ZC3H7B: variants seen among roughly 807,000 people sequenced by gnomAD.
The protein encoded by ZC3H7B is zinc finger CCCH domain-containing protein 7B.
Under a neutral mutation model 116.0 loss-of-function variants are expected in ZC3H7B, and 35 were observed. The ratio of observed to expected loss-of-function variants is 0.30; its 90% CI spans 0.23 to 0.40. The LOEUF is 0.40. Ranked by LOEUF, ZC3H7B falls within the 10% of genes least tolerant of loss-of-function variation. ZC3H7B has a pLI of 1.00. For synonymous variants in ZC3H7B, 502 were observed against 545.6 expected (o/e 0.92, Z 1.11); for missense variants, 1,011 against 1,321.5 (o/e 0.77, Z 3.64).
chr22:41,338,390 T>G lies in ZC3H7B; in HGVS notation c.625+35T>G. 1.2e-6 allele frequency: 2 copies of G among 1,610,154 alleles called. No homozygotes were observed. Among genetic ancestry groups the G allele is most frequent in the East Asian group, 2.2e-5 (1 of 44,770 alleles). On this transcript the variant is annotated intron_variant, in intron 8 of 22. Coordinates refer to ENST00000352645, the MANE Select transcript of ZC3H7B (RefSeq NM_017590.6). The surrounding 1 kb of genome is among the most constrained non-coding windows in gnomAD (Gnocchi z 4.5). ...CCGATACGAGGGAACAAGTGGAAAT[T>G]GGGGCCCCGAGAGGTCAGGGGAGTC...
chr22:41,343,549 T>G lies in ZC3H7B; in HGVS notation c.1432T>G (p.Phe478Val). The change falls in exon 13 of 23, where the codon TTC (phenylalanine) becomes GTC (valine). Residue 478 changes from phenylalanine (F) to valine (V), a missense_variant. Coordinates refer to ENST00000352645, the MANE Select transcript of ZC3H7B (RefSeq NM_017590.6). ...CCGGCCCCGGCCCACTAAGACCAGC[T>G]TCGTGGGCTCCTACTACCTGTGCAA... ...RIRPRPTKTS[F>V]VGSYYLCKDM... 1 of 1,611,222 alleles carries G rather than the reference T, an allele frequency of 6.2e-7. No individual in the cohort carries two copies. Among genetic ancestry groups the G allele is most frequent in the Non-Finnish European group, 8.5e-7 (1 of 1,178,434 alleles).
chr22:41,342,414 C>T (rs990135455), intron 11 of ZC3H7B, 115 bp from the exon 12 acceptor site: 5 of 931,026 alleles, frequency 5.4e-6, no homozygotes, highest in Non-Finnish European at 8.4e-6. Context: ...TGTGGTTTTG[C>T]TCTTGGGTAG....
chr22:41,327,472 C>A lies in ZC3H7B; in HGVS notation c.444+108C>A. ...CACATCCTTCTGTGTCTCACTTCCTCCCCTGTGACATGGCCATGCAGATCC... is the reference window on the plus strand; with the variant it reads ...CACATCCTTCTGTGTCTCACTTCCTACCCTGTGACATGGCCATGCAGATCC... On this transcript the variant is annotated intron_variant, in intron 5 of 22. Transcript: ENST00000352645. This position sits in a 1 kb window ranked among gnomAD's most constrained non-coding sequence, Gnocchi z 4.5. The A allele has an allele frequency of 7.0e-7, 1 of 1,422,670 alleles. No individual in the cohort carries two copies. The allele number at this position is 1,422,670 out of a possible 1,614,324, so 88.1% of individuals were successfully genotyped here.
intron 1 of ZC3H7B, 30 bp from the exon 2 acceptor site, chr22:41,320,625 C>T (rs776596856): frequency 1.9e-6 from 3 of 1,613,482 alleles, no homozygotes; most frequent in Non-Finnish European, 2.5e-6. Flanking sequence ...CTCTTGCTGA[C>T]TGACTGATGG....
chr22:41,355,852 A>G lies in ZC3H7B; in HGVS notation c.2264A>G (p.Gln755Arg). The change falls in exon 19 of 23, where the codon CAG becomes CGG. Residue 755 changes from glutamine to arginine, a missense_variant. Physicochemically the swap from Gln to Arg is conservative, Grantham distance 43 (BLOSUM62 1). This residue lies in a region of ZC3H7B where 406 missense variants were observed against 590.2 expected (regional missense o/e 0.69). Transcript: ENST00000352645. ...CTGCCATCCATTCGTAACTTCCCAC[A>G]GCAATACGATGTGAGCGCTGGGATG... is the stretch of plus-strand genomic sequence containing the variant. ...RPLPSIRNFP[Q>R]QYDLCIHAQN... 6.2e-7 allele frequency: 1 copy of G among 1,613,748 alleles called. No individual in the cohort carries two copies. The highest frequency in any genetic ancestry group is 8.5e-7 in the Non-Finnish European group (1 of 1,179,994).
rs1265836166 is a variant in ZC3H7B at position 41,340,085 on chromosome 22, C to A, written c.1086C>A (p.Leu362=). 2 of 1,612,040 alleles carry A rather than the reference C, an allele frequency of 1.2e-6. No individual in the cohort carries two copies. The highest frequency in any genetic ancestry group is 1.7e-6 in the Non-Finnish European group (2 of 1,179,832). The change falls in exon 10 of 23, where the codon CTC becomes CTA. Residue 362 remains leucine (L), a synonymous_variant. Coordinates refer to ENST00000352645, the MANE Select transcript of ZC3H7B (RefSeq NM_017590.6). ...ACTCGGAGACCCGGCTGGATGCACT[C>A]GACAGCTTTGGGTCGACACGAGGCT... ...LPYSETRLDA[L]DSFGSTRGSL...
chr22:41,304,127 C>T (rs562120555), intron 1 of ZC3H7B, among the ~76,000 whole-genome samples: 2 of 152,292 alleles, frequency 1.3e-5, no homozygotes, highest in South Asian at 2.1e-4. Context: ...AATTGTAGCT[C>T]AGTCTGCCAG....
At position 41,356,477 on chromosome 22, in the gene ZC3H7B, G is replaced by A. The variant is rs1216185831; in HGVS notation, c.2517+1G>A. 6.2e-7 allele frequency: 1 copy of A among 1,613,986 alleles called. No homozygotes were observed. Among genetic ancestry groups the A allele is most frequent in the Non-Finnish European group, 8.5e-7 (1 of 1,180,034 alleles). On this transcript the variant is annotated splice_donor_variant, in intron 21 of 22. Transcript: ENST00000352645. LOFTEE classifies it high-confidence loss of function. Reference sequence around the variant, plus strand: ...GCCCACGGACTACGCGGACATCATGGTAACGCCTCCGCCCTGCATGCTCGG... The same window carrying A: ...GCCCACGGACTACGCGGACATCATGATAACGCCTCCGCCCTGCATGCTCGG...
intron 1 of ZC3H7B, among the ~76,000 whole-genome samples, chr22:41,306,165 G>A (rs980353629): frequency 4.6e-5 from 7 of 152,080 alleles, no homozygotes; most frequent in African/African-American, 1.7e-4. Context: ...TGATCCTTTC[G>A]ATTCTCTGGG....
In ZC3H7B at chr22:41,346,003, A is replaced by G; in HGVS notation, c.1460A>G (p.Asp487Gly). 6.2e-7 allele frequency: 1 copy of G among 1,614,062 alleles called. No individual in the cohort carries two copies. The highest frequency in any genetic ancestry group is 8.5e-7 in the Non-Finnish European group (1 of 1,180,008). Residue 487 changes from aspartate (D) to glycine (G), a missense_variant and splice_region_variant, in exon 14 of 23, where the codon GAC becomes GGC. By Grantham distance (94) the Asp-to-Gly change is moderately conservative. This residue lies in a region of ZC3H7B where 179 missense variants were observed against 178.5 expected (regional missense o/e 1.00). Coordinates refer to ENST00000352645, the MANE Select transcript of ZC3H7B (RefSeq NM_017590.6). The surrounding 1 kb of genome is among the most constrained non-coding windows in gnomAD (Gnocchi z 5.3). ...SFVGSYYLCKDMINKQDCKYG... is the reference protein window; with the variant it reads ...SFVGSYYLCKGMINKQDCKYG... ...CGTGTGTCCTGTTGCCTCTTTGCAG[A>G]CATGATTAACAAGCAGGACTGTAAG...
intron 6 of ZC3H7B, among the ~76,000 whole-genome samples, chr22:41,331,753 C>CT (rs2036387161): frequency 6.6e-6 from 1 of 152,044 alleles, no homozygotes; most frequent in Non-Finnish European, 1.5e-5. Flanking sequence ...TGCCTGTAGT[C>CT]TCAGCTACTT....
intron 1 of ZC3H7B, among the ~76,000 whole-genome samples, chr22:41,310,215 G>A (rs2036100835): frequency 6.6e-6 from 1 of 152,198 alleles, no homozygotes; most frequent in Non-Finnish European, 1.5e-5. Context: ...TCAACATTGA[G>A]TGATTGAAAA....
chr22:41,304,215 GTTTC>G lies in ZC3H7B; in HGVS notation c.-7+2463_-7+2466del, dbSNP rs901462896. Among the ~76,000 whole-genome samples, 19 of 151,668 alleles carry G rather than the reference GTTTC, an allele frequency of 1.3e-4. 1 individual carries two copies. Among genetic ancestry groups the G allele is most frequent in the Admixed American group, 2.6e-4 (4 of 15,220 alleles). On this transcript the variant is annotated intron_variant, in intron 1 of 22. Transcript: ENST00000352645. ...GAGCCACCACACCTGGCTGCTGCAAGTTTCTTTCTTTCTTTCTTTCTTTTTTTTT... is the reference window on the plus strand; with the variant it reads ...GAGCCACCACACCTGGCTGCTGCAAGTTTCTTTCTTTCTTTCTTTTTTTTT...
chr22:41,343,303 G>A, intron 12 of ZC3H7B, 112 bp from the exon 13 acceptor site: 2 of 1,373,506 alleles, frequency 1.5e-6, no homozygotes, highest in Non-Finnish European at 2.0e-6. Context: ...GCCCTCAGAG[G>A]GGAGGTAGGT....
Position 41,346,338 on chromosome 22 carries a change from C to A in ZC3H7B, c.1665+130C>A, listed in dbSNP as rs956463965. On this transcript the variant is annotated intron_variant, in intron 14 of 22. Coordinates refer to ENST00000352645, the MANE Select transcript of ZC3H7B (RefSeq NM_017590.6). The surrounding 1 kb of genome is among the most constrained non-coding windows in gnomAD (Gnocchi z 5.3). ...GGCTGTGGAGGCCTGGTCTTAGAAC[C>A]AGTAGGTCCTGGAGGGTCAGTAAGT... is the stretch of plus-strand genomic sequence containing the variant. 1.3e-5 allele frequency: 13 copies of A among 995,396 alleles called. No homozygotes were observed. The Admixed American group carries it at 1.9e-4, about 15-fold the overall frequency. The allele number at this position is 995,396 out of a possible 1,614,324, so 61.7% of individuals were successfully genotyped here.
intron 1 of ZC3H7B, among the ~76,000 whole-genome samples, chr22:41,319,228 C>T (rs747865273): frequency 6.6e-5 from 10 of 152,004 alleles, no homozygotes; most frequent in Non-Finnish European, 1.2e-4. Flanking sequence ...GGTGAAACCC[C>T]CTCTCTACTA....
At position 41,357,667 on chromosome 22, in the gene ZC3H7B, C is replaced by T; in HGVS notation, c.*238C>T. The T allele has an allele frequency of 1.7e-6, 1 of 591,140 alleles. No homozygotes were observed. The highest frequency in any genetic ancestry group is 2.9e-6 in the Non-Finnish European group (1 of 339,084). The allele number at this position is 591,140 out of a possible 1,614,324, so 36.6% of individuals were successfully genotyped here. A position where few individuals can be genotyped will look rare whatever the true frequency, so the allele number is the denominator to read the frequency against. On this transcript the variant is annotated 3_prime_UTR_variant, in exon 23 of 23. Transcript: ENST00000352645. This position sits in a 1 kb window ranked among gnomAD's most constrained non-coding sequence, Gnocchi z 5.4. ...ACCTGGGCTGCCCTTCCCCCACCCC[C>T]ACGGCTCTCCTGGTTGAGGAGGGAG...
intron 1 of ZC3H7B, among the ~76,000 whole-genome samples, chr22:41,311,795 G>C (rs1250819958): frequency 1.3e-5 from 2 of 151,992 alleles, no homozygotes; most frequent in African/African-American, 4.8e-5. Context: ...CGGGGATGTT[G>C]GTCTTGAGAC....
At chr22:41,354,790 C>G (rs1809578520) in intron 17 of ZC3H7B, among the ~76,000 whole-genome samples, 1 of 152,184 alleles carries the variant, frequency 6.6e-6, no homozygotes, top group African/African-American at 2.4e-5. Context: ...GGGCGTAGGA[C>G]AGAGAAGGAA....
Sources: allele counts gnomAD v4.1 joint callset (sites outside exome capture counted in the v4.1 genomes callset), GRCh38; gene constraint gnomAD v4.1.1; regional missense constraint gnomAD v4.1.1; non-coding constraint Gnocchi (gnomAD v3.1); transcripts MANE v1.5; gene names NCBI Gene and HGNC (gene_info 2026-07-23, HGNC 2026-07-21).